Variants in TAB1 observed in about 807,000 individuals in gnomAD.
TAB1 encodes the protein TGF-beta-activated kinase 1 and MAP3K7-binding protein 1.
A neutral mutation model predicts 54.5 loss-of-function variants in TAB1; 30 were observed. The ratio of observed to expected loss-of-function variants is 0.55; its 90% CI spans 0.41 to 0.75. TAB1 has a LOEUF of 0.75. Among genes scored for constraint, TAB1 ranks in the 30% least tolerant of loss-of-function variants. TAB1 has a pLI of 0.00. For synonymous variants in TAB1, 289 were observed against 286.9 expected, an observed-to-expected ratio of 1.01 and a Z score of -0.07; for missense variants, 609 against 683.2, an observed-to-expected ratio of 0.89 and a Z score of 1.21.
At chr22:39,412,500 C>A (rs1030834811) in intron 1 of TAB1, among the ~76,000 whole-genome samples, 1 of 151,916 alleles carries the variant, frequency 6.6e-6, no homozygotes, top group Non-Finnish European at 1.5e-5. Flanking sequence ...ATGTGCGTGC[C>A]CCAGAAGCCA....
At chr22:39,406,837 G>C (rs984709068) in intron 1 of TAB1, among the ~76,000 whole-genome samples, 1 of 152,128 alleles carries the variant, frequency 6.6e-6, no homozygotes, top group African/African-American at 2.4e-5. Flanking sequence ...GTTTCACCGT[G>C]TTAGCCAGGA....
At chr22:39,418,665 G>A in intron 5 of TAB1, 67 bp from the exon 6 acceptor site, 2 of 1,230,188 alleles carry the variant, frequency 1.6e-6, no homozygotes, top group East Asian at 2.4e-5. Flanking sequence ...TTCCCTCTCT[G>A]CCTTCCCGGT....
chr22:39,433,605 G>T, downstream of TAB1: 1 of 985,450 alleles, frequency 1.0e-6, no homozygotes, highest in Non-Finnish European at 1.2e-6. Context: ...ACTAGGAGTT[G>T]TACCGTCCTG....
At chr22:39,408,054 A>G (rs1166848268) in intron 1 of TAB1, among the ~76,000 whole-genome samples, 1 of 152,240 alleles carries the variant, frequency 6.6e-6, no homozygotes, top group Non-Finnish European at 1.5e-5. Flanking sequence ...AGAATGGACC[A>G]AGACTCCTTA....
At chr22:39,424,438 C>CTTTTTTTTTTTT in intron 8 of TAB1, among the ~76,000 whole-genome samples, 1 of 89,470 alleles carries the variant, frequency 1.1e-5, no homozygotes, top group Non-Finnish European at 2.1e-5. Flanking sequence ...GTTCTGATTT[C>CTTTTTTTTTTTT]TTTTTTTTTT....
Position 39,407,643 on chromosome 22 carries a change from G to A in TAB1, c.34-7363G>A, listed in dbSNP as rs949614115. On this transcript the variant is annotated intron_variant, in intron 1 of 10. Transcript: ENST00000216160. ...TGGGACTACAGGCGTCTGCCACCAC[G>A]CCCGGCTAATTTTTTGTATTTTTAG... Among the ~76,000 whole-genome samples the A allele has an allele frequency of 1.8e-4, 27 of 151,978 alleles. 1 individual carries two copies. The highest frequency in any genetic ancestry group is 3.2e-3 in the Middle Eastern group (1 of 316).
chr22:39,418,121 G>A (rs934107226), intron 5 of TAB1, among the ~76,000 whole-genome samples: 1 of 152,160 alleles, frequency 6.6e-6, no homozygotes, highest in Non-Finnish European at 1.5e-5. Flanking sequence ...GGGTGGCCTT[G>A]GGGGCCGCTG....
Position 39,415,461 on chromosome 22 carries a change from C to T in TAB1, c.171-39C>T, listed in dbSNP as rs1926785362. The T allele has an allele frequency of 6.2e-7, 1 of 1,600,854 alleles. No homozygotes were observed. The highest frequency in any genetic ancestry group is 1.7e-5 in the Admixed American group (1 of 59,752). ...CTTTCTCCCTCCACCTCCGTGAGAC[C>T]CTGGTCTCAGGCCTCCCTCTGCCCT... On this transcript the variant is annotated intron_variant, in intron 2 of 10. Transcript: ENST00000216160. The surrounding 1 kb of genome is among the most constrained non-coding windows in gnomAD (Gnocchi z 4.9).
intron 1 of TAB1, among the ~76,000 whole-genome samples, chr22:39,405,380 G>A (rs931881840): frequency 5.3e-5 from 8 of 152,178 alleles, no homozygotes; most frequent in Non-Finnish European, 7.4e-5. Flanking sequence ...GCTTCTTAAC[G>A]TATTCTTGTG....
At position 39,431,624 on chromosome 22, in the gene TAB1, G is replaced by A. The variant is rs1927590684; in HGVS notation, c.*1402G>A. 2.0e-6 allele frequency: 2 copies of A among 985,412 alleles called. No individual in the cohort carries two copies. The highest frequency in any genetic ancestry group is 1.7e-5 in the African/African-American group (1 of 57,328). 61.0% of individuals were successfully genotyped at this position (985,412 alleles called of 1,614,324 possible). A position where few individuals can be genotyped will look rare whatever the true frequency, so the allele number is the denominator to read the frequency against. On this transcript the variant is annotated 3_prime_UTR_variant, in exon 11 of 11. Transcript: ENST00000216160. ...AGAGCAGGGCCTGGTGTGGAACCAGGGAGCTGTGGGAAGCCACAGCAGAAA... is the reference window on the plus strand; with the variant it reads ...AGAGCAGGGCCTGGTGTGGAACCAGAGAGCTGTGGGAAGCCACAGCAGAAA...
downstream of TAB1, among the ~76,000 whole-genome samples, chr22:39,432,086 G>C (rs1488315986): frequency 6.6e-6 from 1 of 152,202 alleles, no homozygotes; most frequent in East Asian, 1.9e-4. Context: ...TTACCTCCCA[G>C]GCCCACTCTC....
intron 1 of TAB1, among the ~76,000 whole-genome samples, chr22:39,413,891 C>G (rs574281923): frequency 6.6e-6 from 1 of 152,154 alleles, no homozygotes; most frequent in African/African-American, 2.4e-5. Context: ...GGAATTGCAC[C>G]TGGGCCTTGC....
intron 1 of TAB1, among the ~76,000 whole-genome samples, chr22:39,404,075 A>G (rs1489040788): frequency 6.6e-6 from 1 of 152,232 alleles, no homozygotes; most frequent in African/African-American, 2.4e-5. Flanking sequence ...GAAGTATCAG[A>G]TTCCAGTTGT....
rs534857810 is a variant in TAB1, at chr22:39,403,777, T to C, written c.33+3942T>C. Among the ~76,000 whole-genome samples the C allele has an allele frequency of 1.1e-4, 16 of 151,882 alleles. No homozygotes were observed. The East Asian group carries it at 2.9e-3, about 28-fold the overall frequency. ...CCTCAGCCTCCCAAGTAGCTGGGAC[T>C]ACAGGCACCCACCACCACACCCAGC... On this transcript the variant is annotated intron_variant, in intron 1 of 10. Coordinates refer to ENST00000216160, the MANE Select transcript of TAB1 (RefSeq NM_006116.3).
downstream of TAB1, among the ~76,000 whole-genome samples, chr22:39,436,019 CGGT>C (rs1167108825): frequency 6.6e-6 from 1 of 152,196 alleles, no homozygotes; most frequent in Non-Finnish European, 1.5e-5. Flanking sequence ...TGGCTGGGCA[CGGT>C]GGCTCACGCC....
intron 10 of TAB1, 39 bp from the exon 11 acceptor site, chr22:39,429,976 G>T: frequency 6.2e-7 from 1 of 1,608,228 alleles, no homozygotes; most frequent in South Asian, 1.1e-5. Context: ...CCCTTGACCC[G>T]GCTGCTTCTG....
chr22:39,421,913 T>C lies in TAB1; in HGVS notation c.863T>C (p.Met288Thr), dbSNP rs1927108035. 1 of 1,612,406 alleles carries C rather than the reference T, an allele frequency of 6.2e-7. No homozygotes were observed. The highest frequency in any genetic ancestry group is 8.5e-7 in the Non-Finnish European group (1 of 1,179,176). ...GGGGTGACGGGCTTCTTGGTGCTGATGTCGGAGGGGTTGTACAAGGCCCTA... is the reference window on the plus strand; with the variant it reads ...GGGGTGACGGGCTTCTTGGTGCTGACGTCGGAGGGGTTGTACAAGGCCCTA... ...LDGVTGFLVLMSEGLYKALEA... is the reference protein window; with the variant it reads ...LDGVTGFLVLTSEGLYKALEA... The change falls in exon 8 of 11, where the codon ATG becomes ACG. Residue 288 changes from methionine to threonine, a missense_variant. By Grantham distance (81) the Met-to-Thr change is moderately conservative (BLOSUM62 -1). Coordinates refer to ENST00000216160, the MANE Select transcript of TAB1 (RefSeq NM_006116.3).
At chr22:39,406,150 GC>G (rs1926351711) in intron 1 of TAB1, among the ~76,000 whole-genome samples, 1 of 152,066 alleles carries the variant, frequency 6.6e-6, no homozygotes, top group African/African-American at 2.4e-5. Context: ...TTGCCACAGG[GC>G]CACTTTGGGA....
intron 7 of TAB1, 25 bp from the exon 8 acceptor site, chr22:39,421,802 T>C (rs773235672): frequency 1.2e-6 from 2 of 1,613,524 alleles, no homozygotes; most frequent in Non-Finnish European, 1.7e-6. Context: ...CAAGCAAAGC[T>C]CTTCCTTCCA....
Sources: gnomAD v4.1 joint callset for allele counts (sites outside exome capture counted in the v4.1 genomes callset) on GRCh38, gnomAD v4.1.1 for gene constraint, Gnocchi (gnomAD v3.1) non-coding constraint, MANE v1.5 for transcripts, NCBI Gene and HGNC (gene_info 2026-07-23, HGNC 2026-07-21) for gene names.